Variants in SPAG16 observed in about 807,000 individuals in gnomAD.
SPAG16 encodes sperm-associated antigen 16 protein.
Under a neutral mutation model 80.4 loss-of-function variants are expected in SPAG16, and 86 were observed. The ratio of observed to expected loss-of-function variants is 1.07; its 90% CI spans 0.90 to 1.28. The LOEUF (loss-of-function observed/expected upper bound fraction) is 1.28. SPAG16 is among the 50% of genes most tolerant of loss of function. SPAG16 has a pLI of 0.00. For missense variants in SPAG16, 870 were observed against 765.3 expected (o/e 1.14, Z -1.61); for synonymous variants, 294 against 265.9 (o/e 1.11, Z -1.03).
At chr2:213,459,130 C>T (rs899622576) in intron 9 of SPAG16, among the ~76,000 whole-genome samples, 1 of 152,052 alleles carries the variant, frequency 6.6e-6, no homozygotes, top group African/African-American at 2.4e-5. Context: ...CTATGCCAGC[C>T]AGTTGCTTTC....
At chr2:213,344,230 T>C (rs1475967226) in intron 6 of SPAG16, among the ~76,000 whole-genome samples, 2 of 152,138 alleles carry the variant, frequency 1.3e-5, no homozygotes, top group African/African-American at 4.8e-5. Context: ...AGGCTATTTA[T>C]AACAGTATAT....
At chr2:213,857,058 T>C (rs1192621350) in intron 10 of SPAG16, among the ~76,000 whole-genome samples, 4 of 152,002 alleles carry the variant, frequency 2.6e-5, no homozygotes, top group African/African-American at 7.2e-5. Flanking sequence ...GGCGAAACCC[T>C]ATCTCTATCA....
chr2:213,607,335 TA>T (rs968688216), intron 10 of SPAG16, among the ~76,000 whole-genome samples: 22 of 152,126 alleles, frequency 1.4e-4, no homozygotes, highest in African/African-American at 4.8e-4. Flanking sequence ...GCACCTTTCT[TA>T]AAAAAAGAAG....
At chr2:214,342,250 A>T (rs1697754003) in intron 15 of SPAG16, among the ~76,000 whole-genome samples, 2 of 152,312 alleles carry the variant, frequency 1.3e-5, no homozygotes, top group Admixed American at 1.3e-4. Flanking sequence ...GGGGTTCCCA[A>T]ACCCATGACC....
chr2:214,094,880 G>T (rs1453129283), intron 13 of SPAG16, among the ~76,000 whole-genome samples: 1 of 152,006 alleles, frequency 6.6e-6, no homozygotes, highest in African/African-American at 2.4e-5. Flanking sequence ...TACGTCCCAG[G>T]TGCATCATCC....
chr2:214,285,274 G>A (rs1017728159), intron 15 of SPAG16, among the ~76,000 whole-genome samples: 2 of 152,044 alleles, frequency 1.3e-5, no homozygotes, highest in Non-Finnish European at 1.5e-5. Flanking sequence ...GCCTTCCTTG[G>A]AAAAGTATCT....
chr2:213,337,871 A>G (rs1298068429), intron 5 of SPAG16, among the ~76,000 whole-genome samples: 1 of 152,080 alleles, frequency 6.6e-6, no homozygotes, highest in Non-Finnish European at 1.5e-5. Flanking sequence ...AACCCAGACA[A>G]CCCTAGTAAG....
At chr2:213,665,678 A>G (rs1159030138) in intron 10 of SPAG16, among the ~76,000 whole-genome samples, 1 of 152,156 alleles carries the variant, frequency 6.6e-6, no homozygotes. Context: ...ACCTTGTTTT[A>G]TGTGTGTTTA....
chr2:214,264,058 C>A (rs1691368972), intron 15 of SPAG16, among the ~76,000 whole-genome samples: 1 of 152,124 alleles, frequency 6.6e-6, no homozygotes, highest in Admixed American at 6.6e-5. Flanking sequence ...AATTTCAGAA[C>A]ATTTAAATTT....
chr2:213,384,516 A>C (rs1302671217), intron 9 of SPAG16, among the ~76,000 whole-genome samples: 1 of 152,178 alleles, frequency 6.6e-6, no homozygotes, highest in Admixed American at 6.6e-5. Context: ...CCTGAGTATC[A>C]ACGCCATGCT....
chr2:214,179,602 T>A (rs917982946), intron 15 of SPAG16, among the ~76,000 whole-genome samples: 2 of 151,404 alleles, frequency 1.3e-5, no homozygotes, highest in Non-Finnish European at 3.0e-5. Context: ...AATCAGCAAA[T>A]GTGGCACTAG....
At chr2:214,297,979 G>C (rs1334708786) in intron 15 of SPAG16, among the ~76,000 whole-genome samples, 4 of 150,494 alleles carry the variant, frequency 2.7e-5, no homozygotes, top group African/African-American at 9.8e-5. Context: ...AGCATGGAAT[G>C]TTTTTCTATT....
chr2:213,754,491 A>G (rs1394324410), intron 10 of SPAG16, among the ~76,000 whole-genome samples: 1 of 152,222 alleles, frequency 6.6e-6, no homozygotes, highest in Non-Finnish European at 1.5e-5. Context: ...GCTTTTCATG[A>G]CAAGTACTTA....
chr2:214,222,554 C>A (rs1307609964), intron 15 of SPAG16, among the ~76,000 whole-genome samples: 1 of 152,186 alleles, frequency 6.6e-6, no homozygotes, highest in Non-Finnish European at 1.5e-5. Flanking sequence ...TTTTGTCACT[C>A]AATCTGTGAA....
At chr2:213,752,060 G>A (rs368569635) in intron 10 of SPAG16, among the ~76,000 whole-genome samples, 2 of 152,148 alleles carry the variant, frequency 1.3e-5, no homozygotes, top group African/African-American at 2.4e-5. Context: ...CCAAATTGCC[G>A]TAGCTAGAAA....
intron 13 of SPAG16, among the ~76,000 whole-genome samples, chr2:214,074,400 A>G (rs1417992547): frequency 1.3e-5 from 2 of 152,238 alleles, no homozygotes; most frequent in Non-Finnish European, 2.9e-5. Context: ...ATACACAGGA[A>G]TTAATCCTAG....
chr2:213,451,126 T>G (rs929596805), intron 9 of SPAG16, among the ~76,000 whole-genome samples: 5 of 147,754 alleles, frequency 3.4e-5, no homozygotes, highest in Non-Finnish European at 5.9e-5. Context: ...TAAACAATTA[T>G]CCACATTGTG....
intron 11 of SPAG16, among the ~76,000 whole-genome samples, chr2:213,915,429 T>G (rs1237853138): frequency 6.6e-6 from 1 of 152,144 alleles, no homozygotes; most frequent in African/African-American, 2.4e-5. Flanking sequence ...GGTTTCCAGC[T>G]TCATCCTTGT....
chr2:214,212,662 CT>C (rs1235102658), intron 15 of SPAG16, among the ~76,000 whole-genome samples: 1 of 152,232 alleles, frequency 6.6e-6, no homozygotes, highest in African/African-American at 2.4e-5. Flanking sequence ...GGAACAAGAA[CT>C]GGAAGAGCTT....
Sources: gnomAD v4.1 joint callset for allele counts (sites outside exome capture counted in the v4.1 genomes callset) on GRCh38, gnomAD v4.1.1 for gene constraint, MANE v1.5 for transcripts, NCBI Gene and HGNC (gene_info 2026-07-23, HGNC 2026-07-21) for gene names.